The following FLI1 variants were observed in gnomAD, a reference collection of about 807,000 sequenced individuals.
FLI1 encodes Friend leukemia integration 1 transcription factor.
A neutral mutation model predicts 53.1 loss-of-function variants in FLI1; 13 were observed. That is an observed-to-expected ratio of 0.24 (90% CI 0.16 to 0.39). FLI1 has a LOEUF of 0.39. FLI1 is among the 10% of genes least tolerant of loss of function. The pLI, the probability that FLI1 is intolerant of heterozygous loss-of-function variation, is 1.00. For missense variants in FLI1, 424 were observed against 600.5 expected (o/e 0.71, Z 3.07); for synonymous variants, 244 against 236.7 (o/e 1.03, Z -0.28).
Position 128,812,065 on chromosome 11 carries a change from A to C in FLI1, c.*1077A>C, listed in dbSNP as rs1440520243. On this transcript the variant is annotated 3_prime_UTR_variant, in exon 9 of 9. Transcript: ENST00000527786. ...AAGCATAATATGCCTATAGCTGAAAAGGAAACAGGGCTGTTTAAGTCACTG... is the reference window on the plus strand; with the variant it reads ...AAGCATAATATGCCTATAGCTGAAACGGAAACAGGGCTGTTTAAGTCACTG... The C allele has an allele frequency of 4.8e-6, 1 of 206,450 alleles. No homozygotes were observed. The highest frequency in any genetic ancestry group is 9.9e-6 in the Non-Finnish European group (1 of 100,902). The allele number at this position is 206,450 out of a possible 1,614,324, so 12.8% of individuals were successfully genotyped here.
chr11:128,691,684 G>A (rs142136177), upstream of FLI1: 2 of 152,396 alleles, frequency 1.3e-5, no homozygotes, highest in East Asian at 3.9e-4. Flanking sequence ...AAAAACTAAA[G>A]GGCAAGTCTT....
intron 1 of FLI1, among the ~76,000 whole-genome samples, chr11:128,719,088 G>C (rs1410302313): frequency 3.9e-5 from 6 of 152,156 alleles, no homozygotes; most frequent in Non-Finnish European, 8.8e-5. Context: ...GTTGAACCCT[G>C]TAATTACGGA....
rs1211325937 is a variant in FLI1 at position 128,782,124 on chromosome 11, A to C, written c.655+101A>C. The C allele has an allele frequency of 4.8e-6, 5 of 1,042,982 alleles. No homozygotes were observed. In the South Asian group the frequency reaches 5.3e-5, roughly 11 times the overall value. 64.6% of individuals were successfully genotyped at this position (1,042,982 alleles called of 1,614,324 possible). On this transcript the variant is annotated intron_variant, in intron 5 of 8. Transcript: ENST00000527786. ...TGCAGAAAACCAGCTTGCGTGTTCC[A>C]CTCAACTTTTCCTAGCATACAAAGA...
At chr11:128,808,489 T>C (rs1004060771) in intron 7 of FLI1, among the ~76,000 whole-genome samples, 3 of 152,212 alleles carry the variant, frequency 2.0e-5, no homozygotes, top group African/African-American at 7.2e-5. Context: ...TTAAGAATAG[T>C]CATTTTATAG....
intron 5 of FLI1, among the ~76,000 whole-genome samples, chr11:128,803,095 G>T (rs138434372): frequency 8.6e-5 from 13 of 151,784 alleles, no homozygotes; most frequent in African/African-American, 3.1e-4. Flanking sequence ...TAAGTCAGAA[G>T]TCAAGTCAGA....
chr11:128,765,079 G>A (rs1458707252), intron 2 of FLI1, among the ~76,000 whole-genome samples: 2 of 152,106 alleles, frequency 1.3e-5, no homozygotes, highest in African/African-American at 2.4e-5. Flanking sequence ...GAGGGAAGCG[G>A]AACTGGGAGA....
chr11:128,756,847 T>C (rs941785975), intron 1 of FLI1, among the ~76,000 whole-genome samples: 3 of 152,156 alleles, frequency 2.0e-5, no homozygotes, highest in African/African-American at 7.2e-5. Context: ...CTTACCCTCA[T>C]GTTTTGATTG....
At chr11:128,735,080 C>G (rs986630343) in intron 1 of FLI1, among the ~76,000 whole-genome samples, 5 of 152,104 alleles carry the variant, frequency 3.3e-5, no homozygotes, top group African/African-American at 1.2e-4. Flanking sequence ...TCTTCATCAG[C>G]AAAGTGGGGG....
chr11:128,809,823 C>T (rs1942891596), intron 8 of FLI1, among the ~76,000 whole-genome samples: 2 of 152,154 alleles, frequency 1.3e-5, no homozygotes, highest in African/African-American at 4.8e-5. Context: ...CCTACCCATT[C>T]CTTAGTGCCT....
chr11:128,685,866 TG>T (rs993744363), upstream of FLI1, among the ~76,000 whole-genome samples: 5 of 152,074 alleles, frequency 3.3e-5, no homozygotes, highest in African/African-American at 1.2e-4. Flanking sequence ...GCCGCCAGAC[TG>T]GGCTAAGTCA....
At chr11:128,763,611 G>A (rs1245699034) in intron 2 of FLI1, among the ~76,000 whole-genome samples, 1 of 152,202 alleles carries the variant, frequency 6.6e-6, no homozygotes, top group Non-Finnish European at 1.5e-5. Flanking sequence ...GGATGCCCTG[G>A]ACACCTAGGG....
chr11:128,757,041 A>AC (rs1940892585), intron 1 of FLI1, among the ~76,000 whole-genome samples: 1 of 123,298 alleles, frequency 8.1e-6, no homozygotes, highest in Non-Finnish European at 1.8e-5. Context: ...TATCTAGCTA[A>AC]TTTTTTCTTT....
At chr11:128,744,937 G>A (rs1210187160) in intron 1 of FLI1, among the ~76,000 whole-genome samples, 1 of 152,194 alleles carries the variant, frequency 6.6e-6, no homozygotes, top group Non-Finnish European at 1.5e-5. Context: ...CAGCAGAATG[G>A]AGGTTCTTAT....
chr11:128,745,159 A>G (rs1250267107), intron 1 of FLI1, among the ~76,000 whole-genome samples: 2 of 152,204 alleles, frequency 1.3e-5, no homozygotes, highest in Non-Finnish European at 1.5e-5. Context: ...TTACATAACA[A>G]GAAGAAAAAC....
intron 1 of FLI1, among the ~76,000 whole-genome samples, chr11:128,740,879 GT>G (rs1940104603): frequency 6.6e-6 from 1 of 152,206 alleles, no homozygotes; most frequent in South Asian, 2.1e-4. Context: ...TGGGGACTAG[GT>G]GAACAGAAAG....
rs1402969273 is a variant in FLI1 at position 128,743,126 on chromosome 11, GC to G, written c.19-14986del. The stretch of plus-strand genomic sequence containing the variant: ...GAGCCATCTGGACATGGTGGCTCAT[GC>G]CCGTAATCCTATCACTTTGGGAGGC... On this transcript the variant is annotated intron_variant, in intron 1 of 8. Transcript: ENST00000527786. 1.5e-3 allele frequency among the ~76,000 whole-genome samples: 229 copies of G among 152,248 alleles called. 2 individuals are homozygous for G. The highest frequency in any genetic ancestry group is 1.4e-3 in the East Asian group (7 of 5,178).
At chr11:128,793,051 G>A (rs945817672) in intron 5 of FLI1, among the ~76,000 whole-genome samples, 1 of 152,030 alleles carries the variant, frequency 6.6e-6, no homozygotes. Flanking sequence ...CCGGGAGATC[G>A]AGGCTGCCAT....
chr11:128,790,061 C>T (rs1942222336), intron 5 of FLI1, among the ~76,000 whole-genome samples: 1 of 117,504 alleles, frequency 8.5e-6, no homozygotes, highest in Admixed American at 8.3e-5. Context: ...TGTGTGTGTG[C>T]ATGCATGCGT....
At chr11:128,734,591 G>C (rs1331113155) in intron 1 of FLI1, among the ~76,000 whole-genome samples, 1 of 152,158 alleles carries the variant, frequency 6.6e-6, no homozygotes, top group Non-Finnish European at 1.5e-5. Context: ...TGTTTTGCTT[G>C]GTTTGCACCA....
Sources: gnomAD v4.1 joint callset for allele counts (sites outside exome capture counted in the v4.1 genomes callset) on GRCh38, gnomAD v4.1.1 for gene constraint, MANE v1.5 for transcripts, NCBI Gene and HGNC (gene_info 2026-07-23, HGNC 2026-07-21) for gene names.